The following MAPK9 variants were observed in gnomAD, a reference collection of about 807,000 sequenced individuals.
MAPK9 encodes Jun kinase.
In MAPK9, 30 loss-of-function variants were observed where a neutral mutation model predicts 57.1. The ratio of observed to expected loss-of-function variants is 0.53; its 90% confidence interval spans 0.39 to 0.71. The LOEUF is 0.71. Among genes scored for constraint, MAPK9 ranks in the 30% least tolerant of loss-of-function variants. The probability of loss-of-function intolerance (pLI) is 0.00; values close to 1 mark genes in which losing one functional copy is unlikely to be tolerated. For synonymous variants in MAPK9, 155 were observed against 177.0 expected (o/e 0.88, Z 0.99); for missense variants, 362 against 521.0 (o/e 0.69, Z 2.97).
At chr5:180,288,904 T>C (rs1763002118) in intron 1 of MAPK9, among the ~76,000 whole-genome samples, 1 of 152,244 alleles carries the variant, frequency 6.6e-6, no homozygotes, top group African/African-American at 2.4e-5. Flanking sequence ...TCTGTTTATT[T>C]TGTATATGTT....
At position 180,276,098 on chromosome 5, in the gene MAPK9, C is replaced by T. The variant is rs34845230; in HGVS notation, c.122+4342G>A. Among the ~76,000 whole-genome samples the T allele has an allele frequency of 5.6e-3, 846 of 152,350 alleles. 20 individuals are homozygous for T. Among genetic ancestry groups the T allele is most frequent in the South Asian group, 0.051 (246 of 4,828 alleles). ...CTGAGGAAAAGAGCTGGACTCAGAA[C>T]TCAAGTCTTCTGAATCACAGCCATC... On this transcript the variant is annotated intron_variant, in intron 2 of 11. Transcript: ENST00000452135.
At chr5:180,261,294 G>A (rs555749463) in intron 5 of MAPK9, among the ~76,000 whole-genome samples, 26 of 152,304 alleles carry the variant, frequency 1.7e-4, no homozygotes, top group African/African-American at 5.5e-4. Context: ...TAAGTTCCTT[G>A]CTCATTAAAA....
intron 1 of MAPK9, among the ~76,000 whole-genome samples, chr5:180,288,812 G>A (rs1287766542): frequency 6.6e-6 from 1 of 152,204 alleles, no homozygotes; most frequent in African/African-American, 2.4e-5. Flanking sequence ...AAATAATTAT[G>A]GGTGGTAAGG....
intron 5 of MAPK9, among the ~76,000 whole-genome samples, chr5:180,249,961 C>T (rs1758508202): frequency 6.6e-6 from 1 of 152,152 alleles, no homozygotes; most frequent in Admixed American, 6.5e-5. Context: ...ATCGTCTGAT[C>T]CTGGAATCTT....
chr5:180,285,366 A>G (rs1055991217), intron 1 of MAPK9, among the ~76,000 whole-genome samples: 7 of 152,200 alleles, frequency 4.6e-5, no homozygotes, highest in Non-Finnish European at 1.0e-4. Flanking sequence ...AGCTATTTGC[A>G]CATGGGCTGG....
In MAPK9 at chr5:180,272,994, G is replaced by A. The variant is rs918860420; in HGVS notation, c.123-3585C>T. Reference sequence around the variant, plus strand: ...CTGCCTCTGCGTGGTTCCAGTACACGAGGGGTCACATCTGAGAGCTGCCTC... The same window carrying A: ...CTGCCTCTGCGTGGTTCCAGTACACAAGGGGTCACATCTGAGAGCTGCCTC... On this transcript the variant is annotated intron_variant, in intron 2 of 11. Transcript: ENST00000452135. Among the ~76,000 whole-genome samples the A allele has an allele frequency of 5.9e-5, 9 of 152,222 alleles. No homozygotes were observed. The East Asian group carries it at 1.5e-3, about 26-fold the overall frequency.
intron 5 of MAPK9, among the ~76,000 whole-genome samples, chr5:180,260,403 A>T (rs554350919): frequency 6.6e-6 from 1 of 152,340 alleles, no homozygotes; most frequent in East Asian, 1.9e-4. Flanking sequence ...AAATCTTATA[A>T]ATTTAAGGAA....
chr5:180,238,501 G>A, intron 10 of MAPK9, 98 bp from the exon 11 acceptor site: 2 of 851,608 alleles, frequency 2.3e-6, no homozygotes, highest in East Asian at 5.1e-5. Context: ...CAAAGGCATT[G>A]CGATTTGTTA....
chr5:180,252,406 C>T (rs1396027221), intron 5 of MAPK9, among the ~76,000 whole-genome samples: 1 of 152,154 alleles, frequency 6.6e-6, no homozygotes, highest in Non-Finnish European at 1.5e-5. Flanking sequence ...TCTCCAGAAT[C>T]CATGCAGCTT....
At chr5:180,261,597 AT>A (rs1047097941) in intron 5 of MAPK9, 86 bp downstream of exon 5, 18 of 1,249,830 alleles carry the variant, frequency 1.4e-5, no homozygotes, top group East Asian at 2.6e-5. Flanking sequence ...AAGCCTAACA[AT>A]TTTTTTTAAA....
In MAPK9 at chr5:180,242,766, T is replaced by C. The variant is rs1337697653; in HGVS notation, c.689-11A>G. On this transcript the variant is annotated splice_polypyrimidine_tract_variant and intron_variant, in intron 7 of 11. Transcript: ENST00000452135. ...TCCACTGATCAATATCTAAGGAGTTTCTTGAGGAAAATACAACTGAAGTAC... is the reference window on the plus strand; with the variant it reads ...TCCACTGATCAATATCTAAGGAGTTCCTTGAGGAAAATACAACTGAAGTAC... The C allele has an allele frequency of 1.0e-5, 16 of 1,604,960 alleles. No homozygotes were observed. The highest frequency in any genetic ancestry group is 1.3e-5 in the Non-Finnish European group (15 of 1,175,332).
chr5:180,266,820 C>A (rs34681088), intron 3 of MAPK9, among the ~76,000 whole-genome samples: 3 of 152,148 alleles, frequency 2.0e-5, no homozygotes, highest in African/African-American at 7.2e-5. Context: ...ATATTTTAAA[C>A]TAGAAGTGTG....
intron 6 of MAPK9, among the ~76,000 whole-genome samples, chr5:180,248,511 C>G (rs1303234439): frequency 6.6e-6 from 1 of 152,176 alleles, no homozygotes; most frequent in Non-Finnish European, 1.5e-5. Context: ...AAAAAGACAC[C>G]AATTTTACAT....
chr5:180,285,730 C>G (rs1762679938), intron 1 of MAPK9, among the ~76,000 whole-genome samples: 1 of 151,686 alleles, frequency 6.6e-6, no homozygotes, highest in African/African-American at 2.4e-5. Context: ...TCCAGACCAG[C>G]CTGGGCAACA....
chr5:180,263,267 T>C (rs1038683494), intron 4 of MAPK9, among the ~76,000 whole-genome samples: 1 of 152,156 alleles, frequency 6.6e-6, no homozygotes, highest in Non-Finnish European at 1.5e-5. Flanking sequence ...GCTAATACCA[T>C]GGCTCTATCT....
chr5:180,255,020 C>T (rs535814104), intron 5 of MAPK9, among the ~76,000 whole-genome samples: 15 of 151,992 alleles, frequency 9.9e-5, no homozygotes, highest in Non-Finnish European at 1.9e-4. Context: ...GGCGACAGAG[C>T]GAGACTCCAT....
chr5:180,286,374 G>A (rs1762768157), intron 1 of MAPK9, among the ~76,000 whole-genome samples: 2 of 151,268 alleles, frequency 1.3e-5, no homozygotes, highest in South Asian at 4.2e-4. Flanking sequence ...TCGATCTCCT[G>A]ACCTTATGAT....
intron 5 of MAPK9, among the ~76,000 whole-genome samples, chr5:180,260,309 C>T (rs1759798608): frequency 6.6e-6 from 1 of 152,132 alleles, no homozygotes; most frequent in Admixed American, 6.5e-5. Flanking sequence ...AGAAGGTATT[C>T]TGTATCTAAA....
Position 180,236,286 on chromosome 5 carries a change from A to G in MAPK9, c.*98T>C, listed in dbSNP as rs1052915928. On this transcript the variant is annotated 3_prime_UTR_variant, in exon 12 of 12. Coordinates refer to ENST00000452135, the MANE Select transcript of MAPK9 (RefSeq NM_002752.5). ...GCATTGTGTTTCTTACATGCAGAAC[A>G]TGGAGTTTTTCTATTTGGTTCCATC... 39 of 1,322,778 alleles carry G rather than the reference A, an allele frequency of 2.9e-5. No individual in the cohort carries two copies. Among genetic ancestry groups the G allele is most frequent in the Non-Finnish European group, 3.8e-5 (37 of 974,492 alleles). The allele number at this position is 1,322,778 out of a possible 1,614,324, so 81.9% of individuals were successfully genotyped here.
Sources: allele counts gnomAD v4.1 joint callset (sites outside exome capture counted in the v4.1 genomes callset), GRCh38; gene constraint gnomAD v4.1.1; transcripts MANE v1.5; gene names NCBI Gene and HGNC (gene_info 2026-07-23, HGNC 2026-07-21).